ARMC1: variants seen among roughly 807,000 people sequenced by gnomAD.
ARMC1 encodes armadillo repeat containing 1, also known as armadillo repeat-containing protein 1.
Under a neutral mutation model 31.4 loss-of-function variants are expected in ARMC1, and 16 were observed. The ratio of observed to expected loss-of-function variants is 0.51; its 90% CI spans 0.34 to 0.77. The LOEUF (loss-of-function observed/expected upper bound fraction) is 0.77. Ranked by LOEUF, ARMC1 falls within the 30% of genes least tolerant of loss-of-function variation. The pLI, the probability that ARMC1 is intolerant of heterozygous loss-of-function variation, is 0.01. For synonymous variants in ARMC1, 114 were observed against 118.9 expected, an observed-to-expected ratio of 0.96 and a Z score of 0.27; for missense variants, 259 against 347.5, an observed-to-expected ratio of 0.75 and a Z score of 2.02.
At chr8:65,625,324 A>G (rs1186050776) in intron 2 of ARMC1, among the ~76,000 whole-genome samples, 1 of 152,226 alleles carries the variant, frequency 6.6e-6, no homozygotes, top group Admixed American at 6.5e-5. Flanking sequence ...TGGCCAAGTA[A>G]CAACTCTAGA....
chr8:65,611,626 G>A (rs1191076196), intron 4 of ARMC1, among the ~76,000 whole-genome samples: 3 of 151,932 alleles, frequency 2.0e-5, no homozygotes, highest in African/African-American at 7.2e-5. Flanking sequence ...TTAAGTCACT[G>A]ACTTGATACC....
intron 6 of ARMC1, among the ~76,000 whole-genome samples, 171 bp downstream of exon 6, chr8:65,605,092 C>G (rs1452091486): frequency 1.3e-5 from 2 of 152,222 alleles, no homozygotes; most frequent in African/African-American, 4.8e-5. Context: ...AGAGCAGACT[C>G]TGATATCCAC....
intron 3 of ARMC1, among the ~76,000 whole-genome samples, chr8:65,615,534 G>A (rs780185180): frequency 4.3e-4 from 66 of 151,896 alleles, no homozygotes; most frequent in Non-Finnish European, 8.4e-4. Context: ...GCGAAACCCC[G>A]TCTCTACTAA....
chr8:65,605,127 A>G (rs2129040603), intron 6 of ARMC1, 136 bp downstream of exon 6: 2 of 702,880 alleles, frequency 2.8e-6, no homozygotes, highest in East Asian at 2.7e-5. Flanking sequence ...TATTTCTAAA[A>G]CAGTTAACTG....
intron 4 of ARMC1, among the ~76,000 whole-genome samples, chr8:65,609,212 C>T (rs1169309034): frequency 6.7e-6 from 1 of 149,190 alleles, no homozygotes; most frequent in Non-Finnish European, 1.5e-5. Flanking sequence ...TAGCAATCTT[C>T]CTGCCTTAGC....
intron 1 of ARMC1, among the ~76,000 whole-genome samples, chr8:65,631,791 G>A (rs1808649797): frequency 6.6e-6 from 1 of 151,692 alleles, no homozygotes; most frequent in South Asian, 2.1e-4. Flanking sequence ...GAGACTGGTT[G>A]AGGCCAGAGT....
At chr8:65,625,976 C>A (rs1474742098) in intron 2 of ARMC1, among the ~76,000 whole-genome samples, 1 of 151,326 alleles carries the variant, frequency 6.6e-6, no homozygotes, top group African/African-American at 2.4e-5. Context: ...GCAACCTCTG[C>A]CTCCTGGGTT....
intron 3 of ARMC1, among the ~76,000 whole-genome samples, chr8:65,618,189 C>A (rs1394117278): frequency 6.6e-6 from 1 of 150,514 alleles, no homozygotes; most frequent in Non-Finnish European, 1.5e-5. Context: ...GCTGAGATTA[C>A]CGGCATGAGC....
chr8:65,617,764 C>G (rs1471908948), intron 3 of ARMC1, among the ~76,000 whole-genome samples: 1 of 151,624 alleles, frequency 6.6e-6, no homozygotes, highest in Non-Finnish European at 1.5e-5. Flanking sequence ...ATTCATGGCC[C>G]AAACCTCAAC....
intron 3 of ARMC1, 125 bp from the exon 4 acceptor site, chr8:65,613,558 G>C (rs966132589): frequency 1.8e-6 from 1 of 567,326 alleles, no homozygotes; most frequent in Non-Finnish European, 3.0e-6. Flanking sequence ...AGCAATAGCA[G>C]TGAATCCTAG....
intron 2 of ARMC1, among the ~76,000 whole-genome samples, chr8:65,622,933 G>A (rs936921232): frequency 2.6e-5 from 4 of 151,464 alleles, no homozygotes; most frequent in Admixed American, 2.6e-4. Context: ...TTGAACACGG[G>A]AGGCGGAGGT....
At chr8:65,620,294 C>CTTTTTTTTTTTTTTT in intron 3 of ARMC1, among the ~76,000 whole-genome samples, 1 of 90,176 alleles carries the variant, frequency 1.1e-5, no homozygotes, top group Non-Finnish European at 2.1e-5. Context: ...ATTATTATTA[C>CTTTTTTTTTTTTTTT]TTTTTTTTTT....
At chr8:65,620,277 AATT>A (rs945949972) in intron 3 of ARMC1, among the ~76,000 whole-genome samples, 7 of 145,742 alleles carry the variant, frequency 4.8e-5, no homozygotes, top group African/African-American at 1.8e-4. Flanking sequence ...AATTTTAATT[AATT>A]ATTATTATTA....
chr8:65,628,442 T>G (rs1808563210), intron 1 of ARMC1, among the ~76,000 whole-genome samples: 1 of 141,486 alleles, frequency 7.1e-6, no homozygotes, highest in African/African-American at 2.6e-5. Context: ...AGACTAGGTT[T>G]CACCATGTTG....
At chr8:65,613,072 T>C (rs148567931) in intron 4 of ARMC1, among the ~76,000 whole-genome samples, 172 bp downstream of exon 4, 7 of 152,314 alleles carry the variant, frequency 4.6e-5, no homozygotes, top group South Asian at 2.1e-4. Flanking sequence ...ATTAGGGACA[T>C]ACATATTTTA....
intron 4 of ARMC1, among the ~76,000 whole-genome samples, chr8:65,610,514 G>C (rs1272005132): frequency 6.6e-6 from 1 of 151,916 alleles, no homozygotes; most frequent in African/African-American, 2.4e-5. Context: ...GGCCAACATG[G>C]CGAAACCCCG....
chr8:65,616,713 G>A (rs1808270696), intron 3 of ARMC1, among the ~76,000 whole-genome samples: 2 of 146,484 alleles, frequency 1.4e-5, no homozygotes, highest in South Asian at 2.2e-4. Flanking sequence ...GCCACCCATA[G>A]TCTGAGATGT....
rs545343217 is a variant in ARMC1, at chr8:65,627,342, G to A, written c.57C>T (p.Asn19=). The A allele has an allele frequency of 7.7e-5, 124 of 1,613,088 alleles. 1 individual carries two copies. The South Asian group carries it at 1.2e-3, about 16-fold the overall frequency. Residue 19 remains asparagine (N), a synonymous_variant, in exon 2 of 7, where the codon AAC becomes AAT. Transcript: ENST00000276569. ...SEEPDALSVV[N]QLRDLAADPL... ...GATCTGCTGCTAGATCCCGTAACTG[G>A]TTAACTACCGATAGAGCGTCAGGCT...
At chr8:65,616,148 CCT>C (rs1808246900) in intron 3 of ARMC1, among the ~76,000 whole-genome samples, 1 of 152,228 alleles carries the variant, frequency 6.6e-6, no homozygotes, top group Non-Finnish European at 1.5e-5. Flanking sequence ...TTCCCTCTCC[CCT>C]CTCCCCTCTT....
Sources: allele counts gnomAD v4.1 joint callset (sites outside exome capture counted in the v4.1 genomes callset), GRCh38; gene constraint gnomAD v4.1.1; transcripts MANE v1.5; gene names NCBI Gene and HGNC (gene_info 2026-07-23, HGNC 2026-07-21).